Variants in MTMR9 observed in about 807,000 individuals in gnomAD.
MTMR9 encodes myotubularin related protein 9.
In MTMR9, 39 loss-of-function variants were observed where a neutral mutation model predicts 69.5. That is an observed-to-expected ratio of 0.56 (90% CI 0.43 to 0.73). MTMR9 has a LOEUF of 0.73. MTMR9 is among the 30% of genes least tolerant of loss of function. MTMR9 has a pLI of 0.00. For missense variants in MTMR9, 900 were observed against 671.2 expected (o/e 1.34, Z -3.77); for synonymous variants, 354 against 240.8 (o/e 1.47, Z -4.35).
chr8:11,288,238 AATAATAATTATATT>A (rs1426272828), intron 1 of MTMR9, among the ~76,000 whole-genome samples: 1 of 137,604 alleles, frequency 7.3e-6, no homozygotes. Flanking sequence ...AATATATAAT[AATAATAATTATATT>A]ATAATAATTA....
At chr8:11,336,897 A>C in the MTMR9 span, among the ~76,000 whole-genome samples, 1 of 152,166 alleles carries the variant, frequency 6.6e-6, no homozygotes, top group African/African-American at 2.4e-5. Flanking sequence ...TATGCATCCA[A>C]CTGTTTAGCT....
rs1457648185 is a variant in MTMR9 at position 11,324,401 on chromosome 8, C to A, written c.*1613C>A. ...TTAAGCTCAGTTTATTTTTGACTTACTTTCTTTGCTGTAGTTATGAACCTT... is the reference window on the plus strand; with the variant it reads ...TTAAGCTCAGTTTATTTTTGACTTAATTTCTTTGCTGTAGTTATGAACCTT... On this transcript the variant is annotated 3_prime_UTR_variant, in exon 10 of 10. Transcript: ENST00000221086. 1 of 151,176 alleles carries A rather than the reference C, an allele frequency of 6.6e-6. No individual in the cohort carries two copies. The highest frequency in any genetic ancestry group is 1.5e-5 in the Non-Finnish European group (1 of 67,932). 9.4% of individuals were successfully genotyped at this position (151,176 alleles called of 1,614,324 possible). A position where few individuals can be genotyped will look rare whatever the true frequency, so the allele number is the denominator to read the frequency against.
Position 11,322,760 on chromosome 8 carries a change from C to T in MTMR9, c.1622C>T (p.Thr541Ile), listed in dbSNP as rs937149912. ...ILRRQLAELE[T>I]EDGMQESP ...CGAAGGCAGTTGGCAGAACTGGAAA[C>T]AGAGGACGGGATGCAGGAGAGTCCC... Residue 541 changes from threonine to isoleucine, a missense_variant, in exon 10 of 10, where the codon ACA becomes ATA. Physicochemically the swap from Thr to Ile is moderately conservative, Grantham distance 89 (BLOSUM62 -1). Transcript: ENST00000221086. 20 of 1,613,882 alleles carry T rather than the reference C, an allele frequency of 1.2e-5. No homozygotes were observed. The highest frequency in any genetic ancestry group is 1.6e-5 in the Non-Finnish European group (19 of 1,179,960).
In MTMR9 at chr8:11,327,217, C is replaced by G. The variant is rs1800973354; in HGVS notation, c.*4429C>G. 1 of 152,146 alleles carries G rather than the reference C, an allele frequency of 6.6e-6. No individual in the cohort carries two copies. The highest frequency in any genetic ancestry group is 1.5e-5 in the Non-Finnish European group (1 of 68,030). 9.4% of individuals were successfully genotyped at this position (152,146 alleles called of 1,614,324 possible). A position where few individuals can be genotyped will look rare whatever the true frequency, so the allele number is the denominator to read the frequency against. ...AAATGCCTGAACCTGTTATCTAAAT[C>G]CTTTTTAAGAAACTTAATGTTCCAG... On this transcript the variant is annotated 3_prime_UTR_variant, in exon 10 of 10. Coordinates refer to ENST00000221086, the MANE Select transcript of MTMR9 (RefSeq NM_015458.4).
chr8:11,314,004 G>A (rs1018699776), intron 6 of MTMR9, among the ~76,000 whole-genome samples: 3 of 152,190 alleles, frequency 2.0e-5, no homozygotes, highest in African/African-American at 4.8e-5. Flanking sequence ...CCATGAACGA[G>A]CTATGCCTGC....
At chr8:11,296,957 G>A (rs1001406222) in intron 2 of MTMR9, among the ~76,000 whole-genome samples, 1 of 152,056 alleles carries the variant, frequency 6.6e-6, no homozygotes, top group Non-Finnish European at 1.5e-5. Context: ...AGTTTAAATG[G>A]AAGAGCTCAT....
rs1263507542 is a variant in MTMR9 at position 11,295,261 on chromosome 8, C to G, written c.250C>G (p.Pro84Ala). 1.9e-6 allele frequency: 3 copies of G among 1,610,532 alleles called. No homozygotes were observed. The highest frequency in any genetic ancestry group is 1.7e-5 in the Admixed American group (1 of 59,872). Residue 84 changes from proline to alanine, a missense_variant, in exon 2 of 10, where the codon CCT (proline) becomes GCT (alanine). By Grantham distance (27) the Pro-to-Ala change is conservative. Transcript: ENST00000221086. ...TTTTCGAATTATTCAGTTGGATATT[C>G]CTGGAATGGAGGAATGCTTGAATAT... ...KDFRIIQLDI[P>A]GMEECLNIAS...
At chr8:11,332,920 G>A (rs897446859), downstream of MTMR9, among the ~76,000 whole-genome samples, 1 of 152,058 alleles carries the variant, frequency 6.6e-6, no homozygotes, top group African/African-American at 2.4e-5. Context: ...TTTTTGATCA[G>A]GCAGAAGAAA....
rs1799473551 is a variant in MTMR9 at position 11,294,366 on chromosome 8, T to C, written c.183-828T>C. On this transcript the variant is annotated intron_variant, in intron 1 of 9. Coordinates refer to ENST00000221086, the MANE Select transcript of MTMR9 (RefSeq NM_015458.4). ...TAAGTGTGCTATTAGATTTAGGGGT[T>C]TTTTTGTGGGGTTTTTTGTAAATGC... Among the ~76,000 whole-genome samples the C allele has an allele frequency of 2.0e-5, 3 of 152,188 alleles. No individual in the cohort carries two copies. The South Asian group carries it at 6.2e-4, about 32-fold the overall frequency.
chr8:11,322,029 G>A (rs1036910985), intron 9 of MTMR9, among the ~76,000 whole-genome samples: 2 of 152,106 alleles, frequency 1.3e-5, no homozygotes, highest in African/African-American at 4.8e-5. Flanking sequence ...TTTCCTTTTG[G>A]TTCATAATAA....
intron 8 of MTMR9, chr8:11,317,128 C>T: frequency 3.2e-6 from 1 of 316,806 alleles, no homozygotes; most frequent in Middle Eastern, 8.7e-4. Context: ...TAAGGGGCAA[C>T]CATTTTAAAT....
chr8:11,301,544 C>G (rs1799748463), intron 3 of MTMR9, among the ~76,000 whole-genome samples: 1 of 152,212 alleles, frequency 6.6e-6, no homozygotes. Context: ...CTAAAACTAT[C>G]AAACCTCTTT....
At chr8:11,286,292 G>C (rs1199634603) in intron 1 of MTMR9, among the ~76,000 whole-genome samples, 1 of 151,662 alleles carries the variant, frequency 6.6e-6, no homozygotes, top group South Asian at 2.1e-4. Flanking sequence ...AGGCAGTTTG[G>C]GTGAAGCCAT....
Position 11,316,674 on chromosome 8 carries a change from C to G in MTMR9, c.1115C>G (p.Ala372Gly), listed in dbSNP as rs1585131473. 1 of 1,595,746 alleles carries G rather than the reference C, an allele frequency of 6.3e-7. No homozygotes were observed. Among genetic ancestry groups the G allele is most frequent in the African/African-American group, 1.3e-5 (1 of 74,146 alleles). The change falls in exon 8 of 10, where the codon GCT (alanine) becomes GGT (glycine). Residue 372 changes from alanine (A) to glycine (G), a missense_variant and splice_region_variant. Coordinates refer to ENST00000221086, the MANE Select transcript of MTMR9 (RefSeq NM_015458.4). ...GTCACGCCTCCATCTTCCCCCTAGG[C>G]TGGTCACCCATTCCAGCAGCGCTGT... ...EALIEREWLQ[A>G]GHPFQQRCAQ...
downstream of MTMR9, among the ~76,000 whole-genome samples, chr8:11,333,101 G>C (rs968357412): frequency 5.3e-5 from 8 of 152,036 alleles, no homozygotes; most frequent in Non-Finnish European, 1.0e-4. Flanking sequence ...TAAAAATGAG[G>C]GCTGAAAACA....
Position 11,306,456 on chromosome 8 carries a change from G to A in MTMR9, c.809+49G>A, listed in dbSNP as rs760690596. The A allele has an allele frequency of 1.4e-5, 21 of 1,534,752 alleles. No individual in the cohort carries two copies. The South Asian group carries it at 2.4e-4, about 17-fold the overall frequency. ...AGACTCTTATTAGAAGCTAATTATA[G>A]TGGGTAAGGCCTTAGCCATTTGAAA... is the stretch of plus-strand genomic sequence containing the variant. On this transcript the variant is annotated intron_variant, in intron 5 of 9. Coordinates refer to ENST00000221086, the MANE Select transcript of MTMR9 (RefSeq NM_015458.4).
downstream of MTMR9, among the ~76,000 whole-genome samples, chr8:11,329,422 TCCTGCCTCAG>T (rs1801101879): frequency 6.6e-6 from 1 of 152,240 alleles, no homozygotes; most frequent in South Asian, 2.1e-4. Context: ...TGCCTGATTC[TCCTGCCTCAG>T]CCTGCCGAGT....
At chr8:11,299,165 TA>T (rs1314324056) in intron 2 of MTMR9, among the ~76,000 whole-genome samples, 1 of 152,030 alleles carries the variant, frequency 6.6e-6, no homozygotes, top group Non-Finnish European at 1.5e-5. Flanking sequence ...CCATCTCTAC[TA>T]AAAATACAAA....
intron 1 of MTMR9, among the ~76,000 whole-genome samples, chr8:11,285,904 C>G (rs1409686125): frequency 6.7e-6 from 1 of 149,626 alleles, no homozygotes; most frequent in African/African-American, 2.5e-5. Flanking sequence ...TAGGAAGATT[C>G]GTACAGAGGA....
Sources: allele counts gnomAD v4.1 joint callset (sites outside exome capture counted in the v4.1 genomes callset), GRCh38; gene constraint gnomAD v4.1.1; transcripts MANE v1.5; gene names NCBI Gene and HGNC (gene_info 2026-07-23, HGNC 2026-07-21).